Variants in FGF12 observed in about 807,000 individuals in gnomAD.
FGF12 encodes the protein fibroblast growth factor 12.
A neutral mutation model predicts 23.6 loss-of-function variants in FGF12; 14 were observed. That is an observed-to-expected ratio of 0.59 (90% CI 0.39 to 0.93). The LOEUF is 0.93. Among genes scored for constraint, FGF12 ranks in the 40% least tolerant of loss-of-function variants. The pLI is 0.00. For missense variants in FGF12, 175 were observed against 217.8 expected (o/e 0.80, Z 1.24); for synonymous variants, 62 against 77.3 (o/e 0.80, Z 1.04).
intron 2 of FGF12, among the ~76,000 whole-genome samples, chr3:192,405,682 A>G (rs1369658330): frequency 6.6e-6 from 1 of 152,208 alleles, no homozygotes; most frequent in African/African-American, 2.4e-5. Context: ...TTTGGTGTTT[A>G]GCAACTTCCT....
intron 2 of FGF12, among the ~76,000 whole-genome samples, chr3:192,676,559 G>C (rs1219416118): frequency 1.3e-5 from 2 of 152,144 alleles, no homozygotes; most frequent in Admixed American, 6.5e-5. Flanking sequence ...GGGTTGTACT[G>C]TGTCTCCCCA....
At position 192,488,693 on chromosome 3, in the gene FGF12, CT is replaced by C. The variant is rs780154241; in HGVS notation, c.14-128156del. Among the ~76,000 whole-genome samples the C allele has an allele frequency of 6.6e-5, 10 of 152,040 alleles. 1 individual carries two copies. Among genetic ancestry groups the C allele is most frequent in the Admixed American group, 1.3e-4 (2 of 15,226 alleles). On this transcript the variant is annotated intron_variant, in intron 2 of 5. Transcript: ENST00000445105. ...TTAATTGGATGAGAACCTCGTCTTG[CT>C]GCTTGCAGGGAGTCAACTGTCAGGA...
At chr3:192,640,521 A>G (rs1004080555) in intron 2 of FGF12, among the ~76,000 whole-genome samples, 4 of 152,174 alleles carry the variant, frequency 2.6e-5, no homozygotes, top group Non-Finnish European at 4.4e-5. Context: ...AGCAAAAGAA[A>G]GCTGCTAAGA....
chr3:192,606,910 T>C (rs190748650), intron 2 of FGF12, among the ~76,000 whole-genome samples: 1 of 152,224 alleles, frequency 6.6e-6, no homozygotes, highest in African/African-American at 2.4e-5. Flanking sequence ...TATCTTAAAG[T>C]AATTGCAGCA....
chr3:192,217,121 G>T (rs1035920343), intron 4 of FGF12, among the ~76,000 whole-genome samples: 3 of 152,116 alleles, frequency 2.0e-5, no homozygotes, highest in Non-Finnish European at 4.4e-5. Flanking sequence ...CCGATAACTA[G>T]CTTTCTGGCA....
chr3:192,187,442 G>A (rs1577216026), intron 4 of FGF12, among the ~76,000 whole-genome samples: 1 of 152,144 alleles, frequency 6.6e-6, no homozygotes, highest in Non-Finnish European at 1.5e-5. Flanking sequence ...GAAGGTTAAT[G>A]TGAAGTTGAC....
At chr3:192,393,362 T>C (rs1401376088) in intron 2 of FGF12, among the ~76,000 whole-genome samples, 1 of 152,224 alleles carries the variant, frequency 6.6e-6, no homozygotes, top group Non-Finnish European at 1.5e-5. Flanking sequence ...AATAATCCTA[T>C]AGGAGCCCTC....
At chr3:192,613,927 T>A (rs1013569169) in intron 2 of FGF12, among the ~76,000 whole-genome samples, 1 of 151,932 alleles carries the variant, frequency 6.6e-6, no homozygotes, top group Non-Finnish European at 1.5e-5. Context: ...AATTAATTCA[T>A]TTATCAGTGG....
intron 2 of FGF12, among the ~76,000 whole-genome samples, chr3:192,410,612 C>A (rs904022052): frequency 7.2e-5 from 11 of 152,192 alleles, no homozygotes; most frequent in African/African-American, 2.4e-4. Flanking sequence ...GTGGGCCCCA[C>A]CTATGGCTCA....
At chr3:192,189,611 G>A (rs1219742329) in intron 4 of FGF12, among the ~76,000 whole-genome samples, 1 of 152,086 alleles carries the variant, frequency 6.6e-6, no homozygotes, top group Non-Finnish European at 1.5e-5. Flanking sequence ...TATCAGAAGA[G>A]GAAATTTGGA....
intron 4 of FGF12, among the ~76,000 whole-genome samples, chr3:192,289,998 T>G (rs1369207152): frequency 6.6e-6 from 1 of 152,196 alleles, no homozygotes. Context: ...GCAAGATGAT[T>G]GCTTTGCATG....
intron 5 of FGF12, among the ~76,000 whole-genome samples, chr3:192,167,089 C>G (rs1368908302): frequency 1.4e-5 from 2 of 146,236 alleles, no homozygotes; most frequent in African/African-American, 5.1e-5. Flanking sequence ...AAGCCTGAAG[C>G]AGAGTTTTTA....
intron 2 of FGF12, among the ~76,000 whole-genome samples, chr3:192,617,030 G>C (rs59900617): frequency 2.6e-5 from 4 of 151,886 alleles, no homozygotes; most frequent in Middle Eastern, 3.4e-3. Flanking sequence ...TCATGGCTTC[G>C]GAAGACAAAA....
At chr3:192,248,345 C>T (rs1711767245) in intron 4 of FGF12, among the ~76,000 whole-genome samples, 1 of 152,144 alleles carries the variant, frequency 6.6e-6, no homozygotes. Flanking sequence ...TCATATTCTC[C>T]ATGCAGCTGC....
chr3:192,269,506 T>C (rs1024032939), intron 4 of FGF12, among the ~76,000 whole-genome samples: 2 of 152,298 alleles, frequency 1.3e-5, no homozygotes, highest in East Asian at 1.9e-4. Flanking sequence ...AGTTCCTTCA[T>C]GTGTAAATTA....
intron 2 of FGF12, among the ~76,000 whole-genome samples, chr3:192,443,980 T>TA (rs1722278422): frequency 6.6e-6 from 1 of 152,150 alleles, no homozygotes. Context: ...ATCCAGGACT[T>TA]ACAGACCTCC....
chr3:192,684,424 GT>G (rs969729424), intron 2 of FGF12, among the ~76,000 whole-genome samples: 3 of 150,028 alleles, frequency 2.0e-5, no homozygotes, highest in Non-Finnish European at 3.0e-5. Flanking sequence ...ATCAGGGTTT[GT>G]TTTTTTTTCA....
intron 5 of FGF12, among the ~76,000 whole-genome samples, chr3:192,156,150 A>G (rs1416693863): frequency 1.3e-5 from 2 of 152,162 alleles, no homozygotes; most frequent in Non-Finnish European, 2.9e-5. Flanking sequence ...ACAAAATTTG[A>G]TATTTTAGTT....
intron 2 of FGF12, among the ~76,000 whole-genome samples, chr3:192,547,304 T>C (rs1725519546): frequency 6.6e-6 from 1 of 152,156 alleles, no homozygotes; most frequent in Non-Finnish European, 1.5e-5. Context: ...TAATTAAATG[T>C]TTTTTATAAG....
Sources: allele counts gnomAD v4.1 joint callset (sites outside exome capture counted in the v4.1 genomes callset), GRCh38; gene constraint gnomAD v4.1.1; transcripts MANE v1.5; gene names NCBI Gene and HGNC (gene_info 2026-07-23, HGNC 2026-07-21).